MGST2: variants seen among roughly 807,000 people sequenced by gnomAD.
MGST2 encodes the protein glutathione peroxidase MGST2.
Under a neutral mutation model 16.6 loss-of-function variants are expected in MGST2, and 9 were observed. The ratio of observed to expected loss-of-function variants is 0.54; its 90% CI spans 0.33 to 0.95. The LOEUF (loss-of-function observed/expected upper bound fraction) is 0.95, where lower values mean the gene tolerates loss of function less well. MGST2 is among the 40% of genes least tolerant of loss of function. MGST2 has a pLI of 0.03. For synonymous variants in MGST2, 79 were observed against 68.0 expected (o/e 1.16, Z -0.79); for missense variants, 159 against 175.1 (o/e 0.91, Z 0.52).
At chr4:139,746,836 A>T in the MGST2 span, among the ~76,000 whole-genome samples, 2 of 152,198 alleles carry the variant, frequency 1.3e-5, no homozygotes, top group African/African-American at 4.8e-5. Flanking sequence ...AGAGAGACGG[A>T]TTGCTTTCCT....
intron 1 of MGST2, among the ~76,000 whole-genome samples, chr4:139,675,888 C>T (rs149589025): frequency 5.3e-4 from 80 of 152,162 alleles, no homozygotes; most frequent in African/African-American, 1.5e-3. Flanking sequence ...GCATGCATTC[C>T]GGAGATGTAT....
chr4:139,728,274 A>G (rs1421346750), intron 5 of MGST2, among the ~76,000 whole-genome samples: 2 of 152,140 alleles, frequency 1.3e-5, no homozygotes, highest in East Asian at 3.9e-4. Flanking sequence ...CACTTGGACA[A>G]CCTGCACTAA....
intron 1 of MGST2, among the ~76,000 whole-genome samples, chr4:139,675,184 G>A (rs896454354): frequency 5.3e-5 from 8 of 152,182 alleles, no homozygotes; most frequent in African/African-American, 1.2e-4. Flanking sequence ...TTATCTTCTC[G>A]CTTAGCGGGA....
rs534187445 is a variant in MGST2 at position 139,694,385 on chromosome 4, C to G, written c.159-812C>G. ...CTATGACCTTCCACCAGGATCTACT[C>G]AAGACCTCATCACACATTATGTTAA... On this transcript the variant is annotated intron_variant, in intron 2 of 4. Coordinates refer to ENST00000265498, the MANE Select transcript of MGST2 (RefSeq NM_002413.5). Among the ~76,000 whole-genome samples the G allele has an allele frequency of 2.0e-5, 3 of 151,896 alleles. No individual in the cohort carries two copies. In the South Asian group the frequency reaches 6.3e-4, roughly 32 times the overall value.
intron 2 of MGST2, among the ~76,000 whole-genome samples, chr4:139,686,598 A>G (rs1451158365): frequency 6.6e-6 from 1 of 152,352 alleles, no homozygotes; most frequent in Non-Finnish European, 1.5e-5. Context: ...AATCATTAGT[A>G]TCTAACTAGA....
chr4:139,682,784 G>T (rs1482993923), intron 2 of MGST2, among the ~76,000 whole-genome samples: 1 of 151,792 alleles, frequency 6.6e-6, no homozygotes, highest in East Asian at 1.9e-4. Context: ...CTAAAACTGG[G>T]TTCTTGTCAC....
chr4:139,666,036 T>C lies in MGST2; in HGVS notation c.17T>C (p.Ile6Thr). MAGNSILLAAVSILSA... is the reference protein window; with the variant it reads MAGNSTLLAAVSILSA... The stretch of plus-strand genomic sequence containing the variant: ...GTGAGAAAGATGGCCGGGAACTCGA[T>C]CCTGCTGGCTGCTGTCTCTATTCTC... The change falls in exon 1 of 5, where the codon ATC (isoleucine) becomes ACC (threonine). Residue 6 changes from isoleucine (I) to threonine (T), a missense_variant. Transcript: ENST00000265498. The C allele has an allele frequency of 6.2e-7, 1 of 1,614,080 alleles. No homozygotes were observed. The highest frequency in any genetic ancestry group is 1.1e-5 in the South Asian group (1 of 91,078).
At chr4:139,678,497 T>G (rs1731075104) in intron 1 of MGST2, 46 bp from the exon 2 acceptor site, 1 of 1,414,796 alleles carries the variant, frequency 7.1e-7, no homozygotes, top group Admixed American at 1.7e-5. Flanking sequence ...CACTAATGAC[T>G]AATGACGTGC....
chr4:139,753,536 C>A, the MGST2 span, among the ~76,000 whole-genome samples: 115 of 152,182 alleles, frequency 7.6e-4, no homozygotes, highest in Non-Finnish European at 1.4e-3. Context: ...ATAAGCAGGC[C>A]TTTATAACCT....
intron 3 of MGST2, among the ~76,000 whole-genome samples, chr4:139,701,734 CAGGAGGATGGCTTGAGTCCAGG>C (rs1455764844): frequency 8.6e-5 from 13 of 151,898 alleles, no homozygotes; most frequent in Non-Finnish European, 7.4e-5. Context: ...GAGGCCAAGA[CAGGAGGATGGCTTGAGTCCAGG>C]AGTTCAAGAC....
chr4:139,745,609 T>C (rs1403310111), downstream of MGST2, among the ~76,000 whole-genome samples: 1 of 152,218 alleles, frequency 6.6e-6, no homozygotes, highest in East Asian at 1.9e-4. Context: ...CTCCCACTCA[T>C]TTCTCTTCTC....
chr4:139,682,858 G>T (rs978739550), intron 2 of MGST2, among the ~76,000 whole-genome samples: 1 of 149,726 alleles, frequency 6.7e-6, no homozygotes, highest in Non-Finnish European at 1.5e-5. Context: ...TTTATTGGAT[G>T]TAAAGGAAAA....
At chr4:139,734,792 G>C (rs939030979) in intron 5 of MGST2, among the ~76,000 whole-genome samples, 1 of 152,278 alleles carries the variant, frequency 6.6e-6, no homozygotes. Flanking sequence ...TTGGGTGAGA[G>C]GGGCCAGCCT....
intron 5 of MGST2, among the ~76,000 whole-genome samples, chr4:139,712,774 G>C (rs887377070): frequency 2.6e-5 from 4 of 152,104 alleles, no homozygotes; most frequent in African/African-American, 9.7e-5. Context: ...GTTCCCCAAA[G>C]GGTTTTTATT....
At chr4:139,708,258 T>C (rs569498514), downstream of MGST2, among the ~76,000 whole-genome samples, 809 of 152,344 alleles carry the variant, frequency 5.3e-3, 8 homozygotes, top group African/African-American at 0.018. Context: ...AAGGAAGGGA[T>C]CCAGTTTCAG....
the MGST2 span, among the ~76,000 whole-genome samples, chr4:139,746,007 C>T: frequency 2.0e-5 from 3 of 152,176 alleles, no homozygotes; most frequent in African/African-American, 7.2e-5. Context: ...CAACTTTTTT[C>T]AAGAAGTCCT....
intron 1 of MGST2, among the ~76,000 whole-genome samples, chr4:139,674,497 T>G (rs2602241): frequency 0.58 from 87,855 of 150,822 alleles, 27,252 homozygotes; most frequent in East Asian, 0.84. Context: ...TTTTATCTGG[T>G]GTCTAGGCAA....
chr4:139,690,537 C>A (rs1726517658), intron 2 of MGST2, among the ~76,000 whole-genome samples: 1 of 152,172 alleles, frequency 6.6e-6, no homozygotes, highest in Admixed American at 6.5e-5. Context: ...ATCCCAGATT[C>A]TCCATGGTTT....
intron 1 of MGST2, among the ~76,000 whole-genome samples, chr4:139,674,289 T>C (rs1377211708): frequency 6.6e-6 from 1 of 152,168 alleles, no homozygotes; most frequent in Non-Finnish European, 1.5e-5. Flanking sequence ...TCAAAGTCTA[T>C]ATCCAGGTCA....
Sources: gnomAD v4.1 joint callset for allele counts (sites outside exome capture counted in the v4.1 genomes callset) on GRCh38, gnomAD v4.1.1 for gene constraint, MANE v1.5 for transcripts, NCBI Gene and HGNC (gene_info 2026-07-23, HGNC 2026-07-21) for gene names.